The following ARHGEF11 variants were observed in gnomAD, a reference collection of about 807,000 sequenced individuals.
ARHGEF11 encodes Rho guanine exchange factor (GEF) 11.
Under a neutral mutation model 193.7 loss-of-function variants are expected in ARHGEF11, and 55 were observed. That is an observed-to-expected ratio of 0.28 (90% CI 0.23 to 0.36). The LOEUF (loss-of-function observed/expected upper bound fraction) is 0.36, where lower values mean the gene tolerates loss of function less well. ARHGEF11 is among the 10% of genes least tolerant of loss of function. The pLI, the probability that ARHGEF11 is intolerant of heterozygous loss-of-function variation, is 1.00. For synonymous variants in ARHGEF11, 693 were observed against 768.0 expected, an observed-to-expected ratio of 0.90 and a Z score of 1.62; for missense variants, 1,723 against 2,005.6, an observed-to-expected ratio of 0.86 and a Z score of 2.69.
intron 1 of ARHGEF11, among the ~76,000 whole-genome samples, chr1:157,012,732 A>G (rs1051794057): frequency 5.3e-5 from 8 of 152,208 alleles, no homozygotes; most frequent in African/African-American, 1.9e-4. Flanking sequence ...TTGACTCTGG[A>G]TAAAAAGAGT....
At chr1:156,980,519 A>G (rs1273840118) in intron 3 of ARHGEF11, 33 bp from the exon 4 acceptor site, 5 of 1,572,374 alleles carry the variant, frequency 3.2e-6, no homozygotes, top group South Asian at 2.3e-5. Flanking sequence ...GCAGTGCCCA[A>G]CAACCTCTTC....
chr1:156,954,793 G>C (rs1469464021), intron 21 of ARHGEF11, 99 bp downstream of exon 21: 1 of 1,004,424 alleles, frequency 1.0e-6, no homozygotes, highest in Non-Finnish European at 1.6e-6. Flanking sequence ...AGGAGGAACA[G>C]GATGGGAGAT....
intron 9 of ARHGEF11, 120 bp from the exon 10 acceptor site, chr1:156,969,478 G>A: frequency 1.1e-6 from 1 of 911,628 alleles, no homozygotes. Flanking sequence ...TCTTTCACCA[G>A]TTTCCCTTCA....
intron 19 of ARHGEF11, 98 bp from the exon 20 acceptor site, chr1:156,955,897 C>CA: frequency 3.3e-6 from 3 of 914,448 alleles, no homozygotes; most frequent in Non-Finnish European, 5.4e-6. Context: ...TGGCCCTCAG[C>CA]AAGTAACTGG....
chr1:157,006,156 A>G (rs1667795798), intron 1 of ARHGEF11, among the ~76,000 whole-genome samples: 1 of 151,814 alleles, frequency 6.6e-6, no homozygotes, highest in African/African-American at 2.4e-5. Context: ...TTTGGTAGAG[A>G]TAGGGTCTTG....
chr1:157,007,205 AAGT>A (rs935593249), intron 1 of ARHGEF11, among the ~76,000 whole-genome samples: 6 of 152,198 alleles, frequency 3.9e-5, no homozygotes, highest in African/African-American at 1.4e-4. Flanking sequence ...AAAAACAAAG[AAGT>A]AGGAGGAAAT....
At chr1:157,026,332 C>G (rs1165922927) in intron 1 of ARHGEF11, among the ~76,000 whole-genome samples, 1 of 152,174 alleles carries the variant, frequency 6.6e-6, no homozygotes, top group Non-Finnish European at 1.5e-5. Flanking sequence ...GACCATCCTC[C>G]TAGAACACAC....
intron 40 of ARHGEF11, among the ~76,000 whole-genome samples, chr1:156,936,525 T>TAA (rs1655354650): frequency 2.7e-5 from 3 of 110,506 alleles, no homozygotes; most frequent in African/African-American, 3.7e-5. Flanking sequence ...TATATATATA[T>TAA]AAAATTAAAA....
chr1:156,998,332 T>C (rs147234816), intron 1 of ARHGEF11, among the ~76,000 whole-genome samples: 1 of 152,190 alleles, frequency 6.6e-6, no homozygotes, highest in African/African-American at 2.4e-5. Flanking sequence ...ATCGGACTTA[T>C]CCAATTTGTC....
intron 3 of ARHGEF11, 72 bp from the exon 4 acceptor site, chr1:156,980,558 G>C (rs1428124255): frequency 1.3e-6 from 2 of 1,491,630 alleles, no homozygotes; most frequent in Non-Finnish European, 1.8e-6. Flanking sequence ...GTCCCTGTCA[G>C]ATCACCTCTC....
intron 3 of ARHGEF11, 68 bp from the exon 4 acceptor site, chr1:156,980,554 G>A: frequency 6.6e-7 from 1 of 1,508,726 alleles, no homozygotes; most frequent in East Asian, 2.4e-5. Context: ...GAAGGTCCCT[G>A]TCAGATCACC....
chr1:156,980,672 T>C (rs1178298990), intron 3 of ARHGEF11, among the ~76,000 whole-genome samples, 186 bp from the exon 4 acceptor site: 1 of 152,096 alleles, frequency 6.6e-6, no homozygotes, highest in Non-Finnish European at 1.5e-5. Flanking sequence ...GAGTGAACTA[T>C]ATAAGGTCCC....
intron 1 of ARHGEF11, among the ~76,000 whole-genome samples, chr1:157,017,973 G>T (rs58031413): frequency 6.6e-6 from 1 of 151,990 alleles, no homozygotes; most frequent in African/African-American, 2.4e-5. Context: ...AAAGCTATGA[G>T]AGAATAGGTA....
chr1:157,017,706 C>CA (rs1047573559), intron 1 of ARHGEF11, among the ~76,000 whole-genome samples: 10,577 of 40,932 alleles, frequency 0.26, 1,452 homozygotes, highest in East Asian at 0.42. Flanking sequence ...GACTCCGTCT[C>CA]AAAAAAAAAA....
upstream of ARHGEF11, among the ~76,000 whole-genome samples, chr1:157,046,844 T>C (rs375574794): frequency 8.6e-3 from 1,177 of 136,970 alleles, 14 homozygotes; most frequent in African/African-American, 0.025. Context: ...ACCCCCCCCC[T>C]CTACTAAAAA....
intron 1 of ARHGEF11, among the ~76,000 whole-genome samples, chr1:157,042,324 G>A (rs918524589): frequency 6.6e-6 from 1 of 152,126 alleles, no homozygotes; most frequent in African/African-American, 2.4e-5. Flanking sequence ...GACTGCTGAC[G>A]GGCACTTTAC....
At position 156,935,850 on chromosome 1, in the gene ARHGEF11, G is replaced by C. The variant is rs1654944764; in HGVS notation, c.*150C>G. The C allele has an allele frequency of 1.2e-6, 1 of 851,402 alleles. No individual in the cohort carries two copies. Among genetic ancestry groups the C allele is most frequent in the Admixed American group, 3.0e-5 (1 of 33,508 alleles). 52.7% of individuals were successfully genotyped at this position (851,402 alleles called of 1,614,324 possible). On this transcript the variant is annotated 3_prime_UTR_variant, in exon 41 of 41. Transcript: ENST00000368194. ...ACTTGAGCAGACCAAGCAACATGCG[G>C]GTCTCCCCCCGGGCCTTGGCTGGAT...
intron 1 of ARHGEF11, among the ~76,000 whole-genome samples, chr1:157,009,068 T>C (rs1229886079): frequency 4.6e-5 from 7 of 152,224 alleles, no homozygotes; most frequent in Admixed American, 3.9e-4. Flanking sequence ...CTGCCCAGTA[T>C]ATCACCTGTA....
chr1:157,004,930 C>G (rs1667644307), intron 1 of ARHGEF11, among the ~76,000 whole-genome samples: 1 of 152,210 alleles, frequency 6.6e-6, no homozygotes, highest in South Asian at 2.1e-4. Flanking sequence ...GAAATGATGA[C>G]ATCCAGAAGG....
Sources: allele counts gnomAD v4.1 joint callset (sites outside exome capture counted in the v4.1 genomes callset), GRCh38; gene constraint gnomAD v4.1.1; transcripts MANE v1.5; gene names NCBI Gene and HGNC (gene_info 2026-07-23, HGNC 2026-07-21).